ATG2B: variants seen among roughly 807,000 people sequenced by gnomAD.
ATG2B encodes the protein autophagy related 2B.
ATG2B carries 121 observed loss-of-function variants against 241.3 expected under a neutral mutation model. The ratio of observed to expected loss-of-function variants is 0.50; its 90% CI spans 0.43 to 0.58. The LOEUF (loss-of-function observed/expected upper bound fraction) is 0.58. Ranked by LOEUF, ATG2B falls within the 20% of genes least tolerant of loss-of-function variation. The pLI, the probability that ATG2B is intolerant of heterozygous loss-of-function variation, is 0.00. For missense variants in ATG2B, 2,306 were observed against 2,491.6 expected (o/e 0.93, Z 1.59); for synonymous variants, 858 against 876.6 (o/e 0.98, Z 0.37).
intron 29 of ATG2B, among the ~76,000 whole-genome samples, chr14:96,308,161 CAT>C (rs1246200974): frequency 6.5e-5 from 9 of 138,396 alleles, no homozygotes; most frequent in South Asian, 2.4e-4. Context: ...CACACACACA[CAT>C]ATATAAATAT....
intron 4 of ATG2B, 130 bp downstream of exon 4, chr14:96,344,524 G>T: frequency 2.1e-6 from 1 of 476,530 alleles, no homozygotes; most frequent in Non-Finnish European, 3.7e-6. Context: ...CAAATAACTT[G>T]AAGAGCAGCA....
intron 36 of ATG2B, among the ~76,000 whole-genome samples, chr14:96,294,512 G>A (rs890034671): frequency 6.6e-6 from 1 of 152,202 alleles, no homozygotes; most frequent in Non-Finnish European, 1.5e-5. Context: ...AGGGAGGGAA[G>A]GGTCAGGAAA....
At chr14:96,347,432 G>T in intron 1 of ATG2B, 91 bp from the exon 2 acceptor site, 1 of 958,284 alleles carries the variant, frequency 1.0e-6, no homozygotes, top group Non-Finnish European at 1.5e-6. Flanking sequence ...GCCCACACAT[G>T]TTAGGCACTA....
At chr14:96,312,455 G>A (rs1353998522) in intron 25 of ATG2B, among the ~76,000 whole-genome samples, 2 of 152,154 alleles carry the variant, frequency 1.3e-5, no homozygotes, top group Non-Finnish European at 2.9e-5. Flanking sequence ...TATAAAGATA[G>A]AGTGGGCCAG....
Position 96,325,689 on chromosome 14 carries a change from T to A in ATG2B, c.2397A>T (p.Pro799=). The part of the protein sequence containing the change: ...FKTEFIGGST[P]EQIKLELTFR... ...AGGTAAGTTCCAATTTAATTTGTTC[T>A]GGGGTTGATCCTCCTATAAATTCAG... is the stretch of plus-strand genomic sequence containing the variant. The change falls in exon 15 of 42, where the codon CCA becomes CCT. Residue 799 remains proline (P), a synonymous_variant. Coordinates refer to ENST00000359933, the MANE Select transcript of ATG2B (RefSeq NM_018036.7). 1 of 1,613,794 alleles carries A rather than the reference T, an allele frequency of 6.2e-7. No individual in the cohort carries two copies. Among genetic ancestry groups the A allele is most frequent in the Non-Finnish European group, 8.5e-7 (1 of 1,179,890 alleles).
rs138090571 is a variant in ATG2B, at chr14:96,305,721, G to T, written c.4601C>A (p.Thr1534Lys). ...YFSLPVNKTDTSKAPLHFPIP... is the reference protein window; with the variant it reads ...YFSLPVNKTDKSKAPLHFPIP... ...GGGAAAGTGTAAGGGGGCTTTGCTC[G>T]TATCGGTCTTATTAACGGGCAGACT... Residue 1534 changes from threonine (T) to lysine (K), a missense_variant, in exon 31 of 42, where the codon ACG becomes AAG. By Grantham distance (78) the Thr-to-Lys change is moderately conservative. Transcript: ENST00000359933. 6 of 1,614,136 alleles carry T rather than the reference G, an allele frequency of 3.7e-6. No individual in the cohort carries two copies. The highest frequency in any genetic ancestry group is 1.7e-5 in the Admixed American group (1 of 60,020).
chr14:96,296,856 G>A (rs1886656510), intron 34 of ATG2B, among the ~76,000 whole-genome samples: 1 of 151,656 alleles, frequency 6.6e-6, no homozygotes, highest in Admixed American at 6.6e-5. Context: ...AATATTTAGT[G>A]GCACGCCAAA....
chr14:96,313,475 A>C, intron 23 of ATG2B, 40 bp from the exon 24 acceptor site: 1 of 1,151,526 alleles, frequency 8.7e-7, no homozygotes, highest in Non-Finnish European at 1.2e-6. Flanking sequence ...CTTTAGAAGA[A>C]AAAAAAGGTT....
intron 37 of ATG2B, 67 bp from the exon 38 acceptor site, chr14:96,291,749 G>A (rs2139837256): frequency 8.7e-7 from 1 of 1,155,938 alleles, no homozygotes; most frequent in Non-Finnish European, 1.3e-6. Context: ...TAAAATAATT[G>A]TTATTTTGAA....
chr14:96,290,441 T>C lies in ATG2B; in HGVS notation c.5851A>G (p.Ile1951Val). The C allele has an allele frequency of 1.9e-6, 3 of 1,614,130 alleles. No homozygotes were observed. Among genetic ancestry groups the C allele is most frequent in the Non-Finnish European group, 2.5e-6 (3 of 1,179,984 alleles). ...AAGGCAGTCTAAAAAGATACCTGTA[T>C]GGTTTGAACCATTCTGTTTGTGAGT... ...LELTNRMVQTIQAAAETAYDM... is the reference protein window; with the variant it reads ...LELTNRMVQTVQAAAETAYDM... Residue 1951 changes from isoleucine to valine, a missense_variant, in exon 40 of 42, where the codon ATA becomes GTA. Physicochemically the swap from Ile to Val is conservative, Grantham distance 29. Coordinates refer to ENST00000359933, the MANE Select transcript of ATG2B (RefSeq NM_018036.7). This position sits in a 1 kb window ranked among gnomAD's most constrained non-coding sequence, Gnocchi z 4.4.
intron 1 of ATG2B, among the ~76,000 whole-genome samples, chr14:96,349,375 C>T (rs1374302311): frequency 6.6e-6 from 1 of 152,172 alleles, no homozygotes; most frequent in East Asian, 1.9e-4. Flanking sequence ...TGAAATTTAT[C>T]TTAAGGGTGA....
At chr14:96,312,814 T>C (rs954652293) in intron 25 of ATG2B, among the ~76,000 whole-genome samples, 2 of 152,204 alleles carry the variant, frequency 1.3e-5, no homozygotes, top group African/African-American at 4.8e-5. Context: ...AAGTTTACCA[T>C]ATGTTTTAAA....
rs574973604 is a variant in ATG2B, at chr14:96,280,396, G to C, written c.*5359C>G. 5 of 152,332 alleles carry C rather than the reference G, an allele frequency of 3.3e-5. No individual in the cohort carries two copies. The South Asian group carries it at 1.0e-3, about 32-fold the overall frequency. 9.4% of individuals were successfully genotyped at this position (152,332 alleles called of 1,614,324 possible). A position where few individuals can be genotyped will look rare whatever the true frequency, so the allele number is the denominator to read the frequency against. On this transcript the variant is annotated 3_prime_UTR_variant, in exon 42 of 42. Coordinates refer to ENST00000359933, the MANE Select transcript of ATG2B (RefSeq NM_018036.7). ...AACAGGGACTCTAGTAACTGCCTCT[G>C]AGTGGGGGCTGTGAAATTATAAAAA...
chr14:96,333,693 C>T lies in ATG2B; in HGVS notation c.1202G>A (p.Ser401Asn). Residue 401 changes from serine (S) to asparagine (N), a missense_variant, in exon 8 of 42, where the codon AGC becomes AAC. Physicochemically the swap from Ser to Asn is conservative, Grantham distance 46. Around this residue, in one of 2 missense-constraint regions of ATG2B, gnomAD observed 1,927 missense variants for 2,011.2 expected, o/e 0.96. Coordinates refer to ENST00000359933, the MANE Select transcript of ATG2B (RefSeq NM_018036.7). ...CAACAGTTTGAGTTGCTTACCACGG[C>T]TAGAAGGTGTACGAGCTGTTTCTGT... ...YETETARTPS[S>N]REEEVFFSMA... is the part of the protein sequence containing the mutation. 6.2e-7 allele frequency: 1 copy of T among 1,613,276 alleles called. No individual in the cohort carries two copies. The highest frequency in any genetic ancestry group is 8.5e-7 in the Non-Finnish European group (1 of 1,179,612).
rs2139878405 is a variant in ATG2B at position 96,329,528 on chromosome 14, G to A, written c.1837C>T (p.Leu613=). 6.2e-7 allele frequency: 1 copy of A among 1,612,540 alleles called. No individual in the cohort carries two copies. The highest frequency in any genetic ancestry group is 8.5e-7 in the Non-Finnish European group (1 of 1,179,000). The change falls in exon 12 of 42, where the codon CTA becomes TTA. Residue 613 remains leucine, a synonymous_variant. Transcript: ENST00000359933. ...ACAGAATGAAAATCAGTTGGAAATA[G>A]GCACTCCAAAAATTCCATTTGCCCA... ...SIGQMEFLEC[L]FPTDFHSVPP...
rs1566719594 is a variant in ATG2B at position 96,308,237 on chromosome 14, T to TATATATATATATAC, written c.4303+1215_4303+1216insGTATATATATATAT. On this transcript the variant is annotated intron_variant, in intron 29 of 41. Transcript: ENST00000359933. ...ATACATAAATATATATATACATATA[T>TATATATATATATAC]ATATATATATATATACACACATATA... 1.0e-3 allele frequency among the ~76,000 whole-genome samples: 18 copies of TATATATATATATAC among 17,498 alleles called. 1 individual carries two copies. Among genetic ancestry groups the TATATATATATATAC allele is most frequent in the Non-Finnish European group, 1.7e-3 (13 of 7,638 alleles). The allele number at this position is 17,498 out of a possible 152,430, so 11.5% of individuals were successfully genotyped here.
intron 41 of ATG2B, among the ~76,000 whole-genome samples, chr14:96,286,651 T>C (rs894863331): frequency 6.6e-6 from 1 of 152,174 alleles, no homozygotes; most frequent in South Asian, 2.1e-4. Context: ...CTTCTGAGCT[T>C]TGAAGCTGAA....
chr14:96,328,629 C>A, intron 13 of ATG2B, 45 bp downstream of exon 13: 1 of 1,558,158 alleles, frequency 6.4e-7, no homozygotes, highest in South Asian at 1.2e-5. Flanking sequence ...AAATATATAT[C>A]AGATTAAAAT....
intron 29 of ATG2B, among the ~76,000 whole-genome samples, chr14:96,308,025 C>T (rs1416958034): frequency 7.4e-6 from 1 of 135,332 alleles, no homozygotes; most frequent in African/African-American, 2.6e-5. Context: ...ACAGCAGTAC[C>T]TCAGAATTAC....
Sources: gnomAD v4.1 joint callset for allele counts (sites outside exome capture counted in the v4.1 genomes callset) on GRCh38, gnomAD v4.1.1 for gene constraint, gnomAD v4.1.1 regional missense constraint, Gnocchi (gnomAD v3.1) non-coding constraint, MANE v1.5 for transcripts, NCBI Gene and HGNC (gene_info 2026-07-23, HGNC 2026-07-21) for gene names.